The following TRH variants were observed in gnomAD, a reference collection of about 807,000 sequenced individuals.
TRH encodes the protein TSH-releasing factor.
Under a neutral mutation model 5.2 loss-of-function variants are expected in TRH, and 5 were observed. That is an observed-to-expected ratio of 0.95 (90% confidence interval 0.50 to 2.00). The LOEUF is 2.00. Ranked by LOEUF, TRH falls within the 30% of genes most tolerant of loss-of-function variation. The pLI is 0.01. For missense variants in TRH, 318 were observed against 312.8 expected, an observed-to-expected ratio of 1.02 and a Z score of -0.13; for synonymous variants, 131 against 128.6, an observed-to-expected ratio of 1.02 and a Z score of -0.13.
chr3:129,976,933 C>G lies in TRH; in HGVS notation c.446C>G (p.Pro149Arg), dbSNP rs761168863. The G allele has an allele frequency of 9.3e-6, 15 of 1,613,180 alleles. No homozygotes were observed. Among genetic ancestry groups the G allele is most frequent in the Non-Finnish European group, 1.2e-5 (14 of 1,179,794 alleles). ...RRSPWLAYAV[P>R]KRQHPGRRLA... ...TCCCCCTGGCTTGCATATGCTGTCCCGAAGCGGCAGCACCCAGGCAGAAGG... is the reference window on the plus strand; with the variant it reads ...TCCCCCTGGCTTGCATATGCTGTCCGGAAGCGGCAGCACCCAGGCAGAAGG... Residue 149 changes from proline to arginine, a missense_variant, in exon 3 of 3, where the codon CCG becomes CGG. Physicochemically the swap from Pro to Arg is moderately radical, Grantham distance 103. Transcript: ENST00000302649.
Position 129,976,870 on chromosome 3 carries a change from A to T in TRH, c.383A>T (p.Asp128Val). ...GAAGATGAGGCTTCATGGTCAGTCG[A>T]TGTAACCCAGCACAAGCGGCAGCAT... is the stretch of plus-strand genomic sequence containing the variant. ...RREDEASWSVDVTQHKRQHPG... is the reference protein window; with the variant it reads ...RREDEASWSVVVTQHKRQHPG... Residue 128 changes from aspartate to valine, a missense_variant, in exon 3 of 3, where the codon GAT becomes GTT. Asp to Val is a radical substitution (Grantham distance 152). Transcript: ENST00000302649. 6.2e-7 allele frequency: 1 copy of T among 1,613,628 alleles called. No individual in the cohort carries two copies. The highest frequency in any genetic ancestry group is 8.5e-7 in the Non-Finnish European group (1 of 1,179,802).
chr3:129,975,389 C>G (rs1241310146), intron 1 of TRH, among the ~76,000 whole-genome samples: 2 of 152,138 alleles, frequency 1.3e-5, no homozygotes, highest in African/African-American at 4.8e-5. Flanking sequence ...CGATGGGGAC[C>G]TTTGGGGGAG....
Position 129,977,034 on chromosome 3 carries a change from G to A in TRH, c.547G>A (p.Glu183Lys). 1 of 1,611,466 alleles carries A rather than the reference G, an allele frequency of 6.2e-7. No individual in the cohort carries two copies. The highest frequency in any genetic ancestry group is 8.5e-7 in the Non-Finnish European group (1 of 1,178,026). The change falls in exon 3 of 3, where the codon GAA becomes AAA. Residue 183 changes from glutamate to lysine, a missense_variant. Physicochemically the swap from Glu to Lys is moderately conservative, Grantham distance 56. Transcript: ENST00000302649. ...EEEREEDLMP[E>K]KRQHPGKRAL... ...AGAGAGAGAGGAAGACCTGATGCCT[G>A]AAAAACGCCAGCATCCGGGCAAGAG...
rs1056554952 is a variant in TRH at position 129,976,832 on chromosome 3, C to T, written c.345C>T (p.His115=). 2.5e-6 allele frequency: 4 copies of T among 1,613,848 alleles called. No homozygotes were observed. The African/African-American group carries it at 5.3e-5, about 22-fold the overall frequency. ...CTGTGGGACCCCACAAACGGCAGCA[C>T]CCTGGCCGACGAGAAGATGAGGCTT... The part of the protein sequence containing the change: ...GGAVGPHKRQ[H]PGRREDEASW... Residue 115 remains histidine (H), a synonymous_variant, in exon 3 of 3, where the codon CAC becomes CAT. Transcript: ENST00000302649.
rs576268066 is a variant in TRH, at chr3:129,977,488, C to G, written c.*272C>G. 7 of 325,546 alleles carry G rather than the reference C, an allele frequency of 2.2e-5. No homozygotes were observed. Among genetic ancestry groups the G allele is most frequent in the Non-Finnish European group, 5.6e-6 (1 of 178,774 alleles). The allele number at this position is 325,546 out of a possible 1,614,324, so 20.2% of individuals were successfully genotyped here. On this transcript the variant is annotated 3_prime_UTR_variant, in exon 3 of 3. Transcript: ENST00000302649. ...ATCCCAGAGCCCCTCTCACCCCCCC[C>G]ACCACAGGCCTGCTCCTTCCTTAGC... is the stretch of plus-strand genomic sequence containing the variant.
chr3:129,975,362 T>TTGGAG (rs1160596673), intron 1 of TRH, among the ~76,000 whole-genome samples: 1 of 152,226 alleles, frequency 6.6e-6, no homozygotes, highest in African/African-American at 2.4e-5. Context: ...GCCACGGAGC[T>TTGGAG]TGGAGTTAGA....
rs760093773 is a variant in TRH, at chr3:129,977,246, G to A, written c.*30G>A. 1.3e-5 allele frequency: 19 copies of A among 1,510,884 alleles called. No individual in the cohort carries two copies. In the Admixed American group the frequency reaches 1.8e-4, roughly 15 times the overall value. 93.6% of individuals were successfully genotyped at this position (1,510,884 alleles called of 1,614,324 possible). On this transcript the variant is annotated 3_prime_UTR_variant, in exon 3 of 3. Transcript: ENST00000302649. ...AGTTTTCCCTGAAGTCGAGTTTGTG[G>A]TCTAAGGATGTCTTGAGCCCTGTGT...
In TRH at chr3:129,977,433, C is replaced by T. The variant is rs192239487; in HGVS notation, c.*217C>T. The T allele has an allele frequency of 2.1e-5, 11 of 514,066 alleles. No homozygotes were observed. Among genetic ancestry groups the T allele is most frequent in the East Asian group, 9.8e-5 (3 of 30,490 alleles). The allele number at this position is 514,066 out of a possible 1,614,324, so 31.8% of individuals were successfully genotyped here. A position where few individuals can be genotyped will look rare whatever the true frequency, so the allele number is the denominator to read the frequency against. ...GCCTAGCAGTTTAAACCCCACTTTC[C>T]TCCACTTAGCACCATAGGCAAGGGG... On this transcript the variant is annotated 3_prime_UTR_variant, in exon 3 of 3. Transcript: ENST00000302649.
At chr3:129,976,474 G>C (rs144204651) in intron 2 of TRH, among the ~76,000 whole-genome samples, 1 of 152,248 alleles carries the variant, frequency 6.6e-6, no homozygotes. Flanking sequence ...CTTATGGTCA[G>C]ACAACTAGGG....
chr3:129,975,909 G>A lies in TRH; in HGVS notation c.93G>A (p.Gln31=), dbSNP rs772449362. ...GGRAQPEAAQ[Q]EAVTAAEHPG... ...GTGCTCAGCCAGAGGCGGCCCAGCAGGAGGCAGTGACGGCCGCGGAGCATC... is the reference window on the plus strand; with the variant it reads ...GTGCTCAGCCAGAGGCGGCCCAGCAAGAGGCAGTGACGGCCGCGGAGCATC... The change falls in exon 2 of 3, where the codon CAG becomes CAA. Residue 31 remains glutamine (Q), a synonymous_variant. Transcript: ENST00000302649. 1.9e-6 allele frequency: 3 copies of A among 1,613,502 alleles called. No homozygotes were observed. The South Asian group carries it at 3.3e-5, about 18-fold the overall frequency.
intron 1 of TRH, among the ~76,000 whole-genome samples, chr3:129,975,098 G>C (rs2062534858): frequency 6.6e-6 from 1 of 152,128 alleles, no homozygotes. Context: ...GGCACCCCCT[G>C]CCTGGGTGCC....
chr3:129,977,496 G>T lies in TRH; in HGVS notation c.*280G>T, dbSNP rs945148804. The T allele has an allele frequency of 2.3e-5, 7 of 307,176 alleles. No homozygotes were observed. Among genetic ancestry groups the T allele is most frequent in the East Asian group, 5.3e-5 (1 of 18,898 alleles). 19.0% of individuals were successfully genotyped at this position (307,176 alleles called of 1,614,324 possible). On this transcript the variant is annotated 3_prime_UTR_variant, in exon 3 of 3. Coordinates refer to ENST00000302649, the MANE Select transcript of TRH (RefSeq NM_007117.5). ...GCCCCTCTCACCCCCCCCACCACAG[G>T]CCTGCTCCTTCCTTAGCCTTGGCTA...
In TRH at chr3:129,975,777, T is replaced by C. The variant is rs532875339; in HGVS notation, c.-8-32T>C. On this transcript the variant is annotated intron_variant, in intron 1 of 2. Transcript: ENST00000302649. ...TGGAGCGGGATGTGCTGTGATTCGG[T>C]GCGCTCAGGCTCCCTCTGTCCCCTA... 3 of 1,551,864 alleles carry C rather than the reference T, an allele frequency of 1.9e-6. No homozygotes were observed. The East Asian group carries it at 7.1e-5, about 37-fold the overall frequency.
At position 129,976,085 on chromosome 3, in the gene TRH, A is replaced by T. The variant is rs542507300; in HGVS notation, c.211+58A>T. On this transcript the variant is annotated intron_variant, in intron 2 of 2. Coordinates refer to ENST00000302649, the MANE Select transcript of TRH (RefSeq NM_007117.5). ...CTAGGCTATTGGGAGAGCCGTGGAA[A>T]CCTGCCGGCAAAGGGGAGGGGAGGC... 105 of 1,568,612 alleles carry T rather than the reference A, an allele frequency of 6.7e-5. No homozygotes were observed. The African/African-American group carries it at 1.4e-3, about 21-fold the overall frequency.
rs577072346 is a variant in TRH at position 129,975,927 on chromosome 3, G to A, written c.111G>A (p.Ala37=). 1 of 1,613,536 alleles carries A rather than the reference G, an allele frequency of 6.2e-7. No individual in the cohort carries two copies. ...EAAQQEAVTA[A]EHPGLDDFLR... is the part of the protein sequence containing the mutation. ...CCCAGCAGGAGGCAGTGACGGCCGCGGAGCATCCGGGCCTGGATGACTTCC... is the reference window on the plus strand; with the variant it reads ...CCCAGCAGGAGGCAGTGACGGCCGCAGAGCATCCGGGCCTGGATGACTTCC... Residue 37 remains alanine, a synonymous_variant, in exon 2 of 3, where the codon GCG becomes GCA. Coordinates refer to ENST00000302649, the MANE Select transcript of TRH (RefSeq NM_007117.5).
Position 129,977,178 on chromosome 3 carries a change from C to G in TRH, c.691C>G (p.Arg231Gly). Residue 231 changes from arginine to glycine, a missense_variant, in exon 3 of 3, where the codon CGG (arginine) becomes GGG (glycine). Physicochemically the swap from Arg to Gly is moderately radical, Grantham distance 125. Transcript: ENST00000302649. ...GAEEKRQHPG[R>G]RAAWVREPLE... ...TGAGGAAAAGCGGCAGCACCCTGGT[C>G]GGCGGGCAGCCTGGGTCAGAGAGCC... 2.0e-6 allele frequency: 3 copies of G among 1,519,254 alleles called. No homozygotes were observed. The highest frequency in any genetic ancestry group is 2.6e-6 in the Non-Finnish European group (3 of 1,136,200). The allele number at this position is 1,519,254 out of a possible 1,614,324, so 94.1% of individuals were successfully genotyped here. A position where few individuals can be genotyped will look rare whatever the true frequency, so the allele number is the denominator to read the frequency against.
rs1180193799 is a variant in TRH, at chr3:129,977,126, G to A, written c.639G>A (p.Leu213=). 1 of 1,549,724 alleles carries A rather than the reference G, an allele frequency of 6.5e-7. No homozygotes were observed. ...YGQAGLLLGL[L]DDLSRSQGAE... The stretch of plus-strand genomic sequence containing the variant: ...AAGCGGGCCTTCTGCTGGGGCTCCT[G>A]GATGACCTGAGTAGGAGCCAGGGAG... The change falls in exon 3 of 3, where the codon CTG becomes CTA. Residue 213 remains leucine (L), a synonymous_variant. Transcript: ENST00000302649.
rs1356729446 is a variant in TRH, at chr3:129,976,808, T to TGTGGGACCCCACAAACG, written c.323_339dup (p.Gln114TrpfsTer22). 9 of 1,613,888 alleles carry TGTGGGACCCCACAAACG rather than the reference T, an allele frequency of 5.6e-6. No individual in the cohort carries two copies. Among genetic ancestry groups the TGTGGGACCCCACAAACG allele is most frequent in the African/African-American group, 1.3e-5 (1 of 74,874 alleles). The stretch of plus-strand genomic sequence containing the variant: ...AAGAGGAAGAGGAAGAAGGGGGGGC[T>TGTGGGACCCCACAAACG]GTGGGACCCCACAAACGGCAGCACC... On this transcript the variant is annotated frameshift_variant, in exon 3 of 3. Coordinates refer to ENST00000302649, the MANE Select transcript of TRH (RefSeq NM_007117.5). LOFTEE classifies it low-confidence loss of function (END_TRUNC).
Position 129,975,956 on chromosome 3 carries a change from G to T in TRH, c.140G>T (p.Arg47Leu). ...AEHPGLDDFL[R>L]QVERLLFLRE... ...CATCCGGGCCTGGATGACTTCCTGC[G>T]CCAGGTGGAGCGCCTCCTCTTCCTC... Residue 47 changes from arginine (R) to leucine (L), a missense_variant, in exon 2 of 3, where the codon CGC (arginine) becomes CTC (leucine). Physicochemically the swap from Arg to Leu is moderately radical, Grantham distance 102 (BLOSUM62 -2). Transcript: ENST00000302649. 1.2e-6 allele frequency: 2 copies of T among 1,614,082 alleles called. No homozygotes were observed. Among genetic ancestry groups the T allele is most frequent in the Non-Finnish European group, 1.7e-6 (2 of 1,179,972 alleles).
Sources: gnomAD v4.1 joint callset for allele counts (sites outside exome capture counted in the v4.1 genomes callset) on GRCh38, gnomAD v4.1.1 for gene constraint, MANE v1.5 for transcripts, NCBI Gene and HGNC (gene_info 2026-07-23, HGNC 2026-07-21) for gene names.